The following SNW1 variants were observed in gnomAD, a reference collection of about 807,000 sequenced individuals.
The protein encoded by SNW1 is SNW domain-containing protein 1.
Under a neutral mutation model 75.6 loss-of-function variants are expected in SNW1, and 9 were observed. The ratio of observed to expected loss-of-function variants is 0.12; its 90% CI spans 0.07 to 0.21. The LOEUF (loss-of-function observed/expected upper bound fraction) is 0.21, where lower values mean the gene tolerates loss of function less well. Ranked by LOEUF, SNW1 falls within the 10% of genes least tolerant of loss-of-function variation. SNW1 has a pLI of 1.00. For missense variants in SNW1, 409 were observed against 670.9 expected (o/e 0.61, Z 4.31); for synonymous variants, 200 against 219.1 (o/e 0.91, Z 0.77).
intron 3 of SNW1, among the ~76,000 whole-genome samples, chr14:77,748,268 A>T (rs1178446350): frequency 6.6e-6 from 1 of 152,176 alleles, no homozygotes; most frequent in Admixed American, 6.5e-5. Context: ...GGACACAAAC[A>T]CTGCGGAAGG....
chr14:77,719,507 C>T (rs2080520573), intron 12 of SNW1, among the ~76,000 whole-genome samples: 3 of 152,128 alleles, frequency 2.0e-5, no homozygotes, highest in Non-Finnish European at 2.9e-5. Flanking sequence ...CATGGTGGCA[C>T]ATGCCCTGTG....
At chr14:77,727,379 T>C (rs777945938) in intron 10 of SNW1, among the ~76,000 whole-genome samples, 1 of 152,156 alleles carries the variant, frequency 6.6e-6, no homozygotes, top group Admixed American at 6.6e-5. Context: ...ATGCCCTTTA[T>C]TTCTTTCTAT....
chr14:77,721,649 A>G (rs1046429404), intron 11 of SNW1, among the ~76,000 whole-genome samples: 1 of 151,808 alleles, frequency 6.6e-6, no homozygotes, highest in African/African-American at 2.4e-5. Context: ...CTCAAGAGTA[A>G]GAGTCTTTGC....
At chr14:77,754,368 C>T (rs2080829391) in intron 2 of SNW1, among the ~76,000 whole-genome samples, 1 of 152,188 alleles carries the variant, frequency 6.6e-6, no homozygotes, top group South Asian at 2.1e-4. Context: ...TGGCAACAAG[C>T]TAGAGATAGA....
Position 77,720,805 on chromosome 14 carries a change from T to C in SNW1, c.1154A>G (p.Asn385Ser), listed in dbSNP as rs763536878. The C allele has an allele frequency of 6.2e-6, 10 of 1,613,286 alleles. No individual in the cohort carries two copies. Among genetic ancestry groups the C allele is most frequent in the Middle Eastern group, 1.7e-4 (1 of 6,060 alleles). The stretch of plus-strand genomic sequence containing the variant: ...AGCAATAACTTCACTGATATCCCGA[T>C]TTTCATTTCTCTGAAGTTTCGACCT... ...DKRSKLQRNE[N>S]RDISEVIALG... Residue 385 changes from asparagine to serine, a missense_variant, in exon 12 of 14, where the codon AAT becomes AGT. Around this residue, in one of 9 missense-constraint regions of SNW1, gnomAD observed 126 missense variants for 167.6 expected, o/e 0.75. Coordinates refer to ENST00000261531, the MANE Select transcript of SNW1 (RefSeq NM_012245.3).
chr14:77,739,865 T>C (rs966336476), intron 3 of SNW1, among the ~76,000 whole-genome samples: 4 of 152,114 alleles, frequency 2.6e-5, no homozygotes, highest in African/African-American at 9.6e-5. Context: ...CCGGGCGCGG[T>C]GGCTCACGCC....
intron 3 of SNW1, among the ~76,000 whole-genome samples, chr14:77,747,827 G>A (rs1475148114): frequency 5.4e-4 from 81 of 149,556 alleles, no homozygotes; most frequent in African/African-American, 7.8e-4. Context: ...CGCCCCATCC[G>A]GGAGGTGGGG....
chr14:77,734,595 G>A (rs973222560), intron 8 of SNW1, among the ~76,000 whole-genome samples: 11 of 152,112 alleles, frequency 7.2e-5, no homozygotes, highest in Admixed American at 2.6e-4. Context: ...AAAATTAGCC[G>A]GACGTGGTGG....
intron 11 of SNW1, chr14:77,722,527 C>T (rs1189644883): frequency 4.4e-6 from 2 of 453,714 alleles, no homozygotes; most frequent in Non-Finnish European, 8.8e-6. Flanking sequence ...ATCCATTTAT[C>T]TCACCATTTG....
chr14:77,752,619 G>A (rs1324999193), intron 2 of SNW1, among the ~76,000 whole-genome samples: 1 of 152,092 alleles, frequency 6.6e-6, no homozygotes, highest in Non-Finnish European at 1.5e-5. Context: ...CAGATCTTTT[G>A]AGACTCCGAA....
intron 10 of SNW1, among the ~76,000 whole-genome samples, chr14:77,725,753 A>C (rs1189067382): frequency 1.3e-5 from 2 of 152,086 alleles, no homozygotes; most frequent in Non-Finnish European, 2.9e-5. Context: ...CCCTGTCTCT[A>C]AAATAACACA....
chr14:77,760,786 T>C (rs1566839539), intron 1 of SNW1: 2 of 706,114 alleles, frequency 2.8e-6, no homozygotes, highest in Admixed American at 2.0e-5. Context: ...ACCAACCCCA[T>C]CTCGTTCGCC....
At chr14:77,756,199 A>T (rs1160827660) in intron 1 of SNW1, among the ~76,000 whole-genome samples, 5 of 151,502 alleles carry the variant, frequency 3.3e-5, no homozygotes, top group Non-Finnish European at 7.4e-5. Flanking sequence ...CGGCTCACTG[A>T]AACCTCTGTC....
At chr14:77,736,854 G>A in intron 6 of SNW1, 117 bp downstream of exon 6, 4 of 715,618 alleles carry the variant, frequency 5.6e-6, no homozygotes, top group Non-Finnish European at 9.6e-6. Flanking sequence ...TGGAGTTTTA[G>A]ATAAATGGAA....
intron 5 of SNW1, 40 bp downstream of exon 5, chr14:77,738,738 A>G (rs1302682324): frequency 6.8e-7 from 1 of 1,464,352 alleles, no homozygotes; most frequent in Admixed American, 1.7e-5. Flanking sequence ...AGCTGAATCA[A>G]GTTCAGAATG....
intron 2 of SNW1, among the ~76,000 whole-genome samples, chr14:77,754,529 C>G (rs11159289): frequency 0.065 from 9,938 of 152,076 alleles, 386 homozygotes; most frequent in African/African-American, 0.095. Context: ...AGAAAGAAAT[C>G]AGCAAAGGAA....
chr14:77,718,035 T>C lies in SNW1; in HGVS notation c.*53A>G, dbSNP rs753689116. 1.4e-6 allele frequency: 2 copies of C among 1,457,738 alleles called. No homozygotes were observed. The highest frequency in any genetic ancestry group is 2.3e-5 in the East Asian group (1 of 43,738). The allele number at this position is 1,457,738 out of a possible 1,614,324, so 90.3% of individuals were successfully genotyped here. A position where few individuals can be genotyped will look rare whatever the true frequency, so the allele number is the denominator to read the frequency against. On this transcript the variant is annotated 3_prime_UTR_variant, in exon 14 of 14. Transcript: ENST00000261531. ...TTTACAAAGTGTTCCCCCATATGAC[T>C]TGCATCATTAGGGTTATGGGTAAGA...
chr14:77,736,678 AATC>A (rs1351374975), intron 6 of SNW1, among the ~76,000 whole-genome samples: 1 of 152,238 alleles, frequency 6.6e-6, no homozygotes, highest in Non-Finnish European at 1.5e-5. Context: ...GCACCTGTGA[AATC>A]ATCATCACAA....
chr14:77,740,580 A>G (rs1442301811), intron 3 of SNW1, among the ~76,000 whole-genome samples: 1 of 152,060 alleles, frequency 6.6e-6, no homozygotes, highest in African/African-American at 2.4e-5. Context: ...CTTTTCCCCA[A>G]TTCTAGGCCT....
Sources: gnomAD v4.1 joint callset for allele counts (sites outside exome capture counted in the v4.1 genomes callset) on GRCh38, gnomAD v4.1.1 for gene constraint, gnomAD v4.1.1 regional missense constraint, MANE v1.5 for transcripts, NCBI Gene and HGNC (gene_info 2026-07-23, HGNC 2026-07-21) for gene names.